TACR1: variants seen among roughly 807,000 people sequenced by gnomAD.
TACR1 encodes the protein tachykinin receptor 1.
A neutral mutation model predicts 35.8 loss-of-function variants in TACR1; 25 were observed. The observed-to-expected ratio is 0.70, with a 90% CI of 0.51 to 0.98. The LOEUF (loss-of-function observed/expected upper bound fraction) is 0.98, where lower values mean the gene tolerates loss of function less well. Among genes scored for constraint, TACR1 ranks in the 50% least tolerant of loss-of-function variants. The pLI is 0.00. For synonymous variants in TACR1, 195 were observed against 206.7 expected (o/e 0.94, Z 0.48); for missense variants, 478 against 522.9 (o/e 0.91, Z 0.84).
chr2:75,056,455 C>G (rs141504517), intron 2 of TACR1, among the ~76,000 whole-genome samples: 13 of 152,314 alleles, frequency 8.5e-5, no homozygotes, highest in African/African-American at 2.9e-4. Flanking sequence ...CGAAGTTATT[C>G]AAACCAGCCA....
chr2:75,127,979 C>A (rs1418944524), intron 1 of TACR1, among the ~76,000 whole-genome samples: 1 of 152,204 alleles, frequency 6.6e-6, no homozygotes, highest in Non-Finnish European at 1.5e-5. Context: ...GGAACCATCT[C>A]ATTTTATTTT....
chr2:75,051,139 C>G, intron 4 of TACR1, 112 bp downstream of exon 4: 1 of 1,381,992 alleles, frequency 7.2e-7, no homozygotes, highest in African/African-American at 1.4e-5. Context: ...GCAGTCCCCA[C>G]TTGTCCCTCT....
intron 1 of TACR1, among the ~76,000 whole-genome samples, chr2:75,162,142 A>G (rs1675025757): frequency 6.6e-6 from 1 of 151,878 alleles, no homozygotes; most frequent in Non-Finnish European, 1.5e-5. Flanking sequence ...TTGAAAATCC[A>G]TTTGCAGAAT....
chr2:75,147,446 C>G (rs1030850951), intron 1 of TACR1, among the ~76,000 whole-genome samples: 3 of 152,142 alleles, frequency 2.0e-5, no homozygotes, highest in Non-Finnish European at 4.4e-5. Context: ...TTCTGGGATA[C>G]ACGTGCAGAA....
At chr2:75,129,489 A>G (rs1674139077) in intron 1 of TACR1, among the ~76,000 whole-genome samples, 2 of 152,218 alleles carry the variant, frequency 1.3e-5, no homozygotes, top group Non-Finnish European at 2.9e-5. Flanking sequence ...ATGGATTTTG[A>G]ATGTTCCCAA....
chr2:75,080,978 G>A (rs1374712350), intron 2 of TACR1, among the ~76,000 whole-genome samples: 1 of 152,202 alleles, frequency 6.6e-6, no homozygotes, highest in Non-Finnish European at 1.5e-5. Context: ...ATGGATGAAT[G>A]AGTCAGGAAG....
intron 1 of TACR1, among the ~76,000 whole-genome samples, chr2:75,152,276 C>T (rs1449587281): frequency 6.6e-6 from 1 of 152,150 alleles, no homozygotes; most frequent in Non-Finnish European, 1.5e-5. Context: ...CTACCCAAAC[C>T]TCAATTTGAT....
rs1321073168 is a variant in TACR1, at chr2:75,050,986, AT to A, written c.932+264del. ...TTTAATTCCCCCACTAGCTGCCAGTATTTATGAATCAGAAGACTTTGGACAA... is the reference window on the plus strand; with the variant it reads ...TTTAATTCCCCCACTAGCTGCCAGTATTATGAATCAGAAGACTTTGGACAA... On this transcript the variant is annotated intron_variant, in intron 4 of 4. Coordinates refer to ENST00000305249, the MANE Select transcript of TACR1 (RefSeq NM_001058.4). 42 of 488,454 alleles carry A rather than the reference AT, an allele frequency of 8.6e-5. 1 individual carries two copies. Among genetic ancestry groups the A allele is most frequent in the Non-Finnish European group, 1.4e-4 (37 of 268,944 alleles). 30.3% of individuals were successfully genotyped at this position (488,454 alleles called of 1,614,324 possible).
chr2:75,177,167 C>G (rs1009559665), intron 1 of TACR1, among the ~76,000 whole-genome samples: 1 of 151,988 alleles, frequency 6.6e-6, no homozygotes, highest in African/African-American at 2.4e-5. Flanking sequence ...ACCCCACCCC[C>G]TCTGAAGCAC....
At chr2:75,155,979 A>C (rs1332626637) in intron 1 of TACR1, among the ~76,000 whole-genome samples, 1 of 152,242 alleles carries the variant, frequency 6.6e-6, no homozygotes, top group Non-Finnish European at 1.5e-5. Context: ...GATTGAAAAA[A>C]ATAAAAAGAA....
intron 2 of TACR1, among the ~76,000 whole-genome samples, chr2:75,110,430 TA>T (rs1248190089): frequency 6.6e-6 from 1 of 152,036 alleles, no homozygotes; most frequent in African/African-American, 2.4e-5. Flanking sequence ...AAATCTAAAG[TA>T]AAAATTTTAG....
intron 1 of TACR1, among the ~76,000 whole-genome samples, chr2:75,177,036 G>A (rs1675436632): frequency 6.6e-6 from 1 of 151,896 alleles, no homozygotes; most frequent in Admixed American, 6.6e-5. Context: ...TTCCAACACT[G>A]CAGTCACCTC....
chr2:75,054,699 C>G (rs575655970), intron 2 of TACR1, among the ~76,000 whole-genome samples: 2 of 152,152 alleles, frequency 1.3e-5, no homozygotes, highest in South Asian at 2.1e-4. Flanking sequence ...TGGTTAGTTA[C>G]AGCCCTTTTC....
chr2:75,108,531 C>G (rs1673693368), intron 2 of TACR1, among the ~76,000 whole-genome samples: 1 of 151,972 alleles, frequency 6.6e-6, no homozygotes. Flanking sequence ...ATTGTGAAAC[C>G]AATAACCCAA....
At chr2:75,176,765 A>G (rs1335672590) in intron 1 of TACR1, among the ~76,000 whole-genome samples, 1 of 152,150 alleles carries the variant, frequency 6.6e-6, no homozygotes, top group East Asian at 1.9e-4. Context: ...AATTAGGAAG[A>G]TGGGCCTTCC....
At chr2:75,087,516 G>A (rs541041071) in intron 2 of TACR1, among the ~76,000 whole-genome samples, 2 of 152,166 alleles carry the variant, frequency 1.3e-5, no homozygotes, top group African/African-American at 4.8e-5. Context: ...ATTAAGAAAG[G>A]CTGTAGAAGT....
At chr2:75,180,324 G>C (rs2104045222) in intron 1 of TACR1, among the ~76,000 whole-genome samples, 1 of 152,230 alleles carries the variant, frequency 6.6e-6, no homozygotes, top group South Asian at 2.1e-4. Context: ...AACAATACTG[G>C]CATATAGTTG....
At chr2:75,104,422 C>T (rs1054968857) in intron 2 of TACR1, among the ~76,000 whole-genome samples, 3 of 151,854 alleles carry the variant, frequency 2.0e-5, no homozygotes, top group East Asian at 1.9e-4. Context: ...GAGAGATAGA[C>T]AGCAACATAA....
At chr2:75,175,818 C>T (rs1675399030) in intron 1 of TACR1, among the ~76,000 whole-genome samples, 1 of 152,108 alleles carries the variant, frequency 6.6e-6, no homozygotes, top group South Asian at 2.1e-4. Flanking sequence ...TGTAGACATC[C>T]TTGGGAAGGC....
Sources: allele counts gnomAD v4.1 joint callset (sites outside exome capture counted in the v4.1 genomes callset), GRCh38; gene constraint gnomAD v4.1.1; transcripts MANE v1.5; gene names NCBI Gene and HGNC (gene_info 2026-07-23, HGNC 2026-07-21).